The following PIGA variants were observed in gnomAD, a reference collection of about 807,000 sequenced individuals.
The protein encoded by PIGA is phosphatidylinositol N-acetylglucosaminyltransferase subunit A.
PIGA carries 3 observed loss-of-function variants against 17.1 expected under a neutral mutation model. That is an observed-to-expected ratio of 0.18 (90% CI 0.08 to 0.45). PIGA has a LOEUF of 0.45. Ranked by LOEUF, PIGA falls within the 20% of genes least tolerant of loss-of-function variation. PIGA has a pLI of 0.99. For synonymous variants in PIGA, 126 were observed against 135.1 expected, an observed-to-expected ratio of 0.93 and a Z score of 0.47; for missense variants, 231 against 374.1, an observed-to-expected ratio of 0.62 and a Z score of 3.16.
intron 2 of PIGA, among the ~76,000 whole-genome samples, chrX:15,329,509 T>G (rs1183760278): frequency 5.4e-5 from 6 of 111,808 alleles, no homozygotes; most frequent in Non-Finnish European, 1.1e-4. Flanking sequence ...CTGAAACCAG[T>G]GGCCCAGCAC....
intron 2 of PIGA, chrX:15,328,495 T>G (rs1001011757): frequency 1.4e-4 from 16 of 112,203 alleles, no homozygotes; most frequent in African/African-American, 4.5e-4. Context: ...CTCTCTCACT[T>G]AAGACATTCC....
intron 1 of PIGA, among the ~76,000 whole-genome samples, chrX:15,332,888 T>C (rs1263073534): frequency 1.8e-5 from 2 of 111,992 alleles, no homozygotes; most frequent in Non-Finnish European, 3.8e-5. Flanking sequence ...TGCAGCCTCC[T>C]AGTGACCACT....
At chrX:15,327,915 T>C (rs1453990967) in intron 2 of PIGA, 2 of 111,961 alleles carry the variant, frequency 1.8e-5, no homozygotes, top group Admixed American at 9.5e-5. Flanking sequence ...TCTATATTCT[T>C]ATTCTAAGAA....
rs189421978 is a variant in PIGA, at chrX:15,323,556, G to T, written c.1188+1109C>A. Among the ~76,000 whole-genome samples the T allele has an allele frequency of 9.0e-5, 10 of 111,433 alleles. No individual in the cohort carries two copies. In the East Asian group the frequency reaches 2.8e-3, roughly 31 times the overall value. ...ATATGGGAGAGATAGTACAAGACTT[G>T]TAGAAGGTCAGAATGTCTCAAAATG... is the stretch of plus-strand genomic sequence containing the variant. On this transcript the variant is annotated intron_variant, in intron 5 of 5. Transcript: ENST00000333590.
At chrX:15,325,271 C>T in intron 3 of PIGA, 119 bp from the exon 4 acceptor site, 1 of 625,642 alleles carries the variant, frequency 1.6e-6, no homozygotes, top group South Asian at 4.1e-5. Context: ...TGCTAATGTT[C>T]TCCACCTCAA....
At chrX:15,334,408 T>G (rs1922268273) in intron 1 of PIGA, among the ~76,000 whole-genome samples, 1 of 110,193 alleles carries the variant, frequency 9.1e-6, no homozygotes. Flanking sequence ...CAGGCTGGTC[T>G]CGAACCCCTG....
intron 2 of PIGA, among the ~76,000 whole-genome samples, chrX:15,329,180 CAATT>C (rs1922075212): frequency 8.9e-6 from 1 of 112,375 alleles, no homozygotes; most frequent in African/African-American, 3.2e-5. Flanking sequence ...TGTCAAGAAT[CAATT>C]GTTTGTTCAC....
rs1433819812 is a variant in PIGA, at chrX:15,326,030, A to G, written c.732T>C (p.Ser244=). Residue 244 remains serine (S), a synonymous_variant, in exon 3 of 6, where the codon AGT becomes AGC. Coordinates refer to ENST00000333590, the MANE Select transcript of PIGA (RefSeq NM_002641.4). The part of the protein sequence containing the change: ...LVYRKGIDLL[S]GIIPELCQKY... ...TCTGACAGAGTTCAGGTATTATACCACTAAGCAAATCGATCCCTGAAAATA... is the reference window on the plus strand; with the variant it reads ...TCTGACAGAGTTCAGGTATTATACCGCTAAGCAAATCGATCCCTGAAAATA... 4 of 1,147,195 alleles carry G rather than the reference A, an allele frequency of 3.5e-6. No individual in the cohort carries two copies. Among genetic ancestry groups the G allele is most frequent in the Non-Finnish European group, 4.7e-6 (4 of 847,506 alleles). The allele number at this position is 1,147,195 out of a possible 1,213,427, so 94.5% of individuals were successfully genotyped here. A position where few individuals can be genotyped will look rare whatever the true frequency, so the allele number is the denominator to read the frequency against.
chrX:15,325,476 G>A (rs923783160), intron 3 of PIGA: 3 of 160,541 alleles, frequency 1.9e-5, no homozygotes, highest in Non-Finnish European at 3.5e-5. Context: ...ACAGGAAAAT[G>A]GCCTTTTTAT....
At chrX:15,328,187 GTTAC>G (rs1489713567) in intron 2 of PIGA, 3 of 112,243 alleles carry the variant, frequency 2.7e-5, no homozygotes, top group African/African-American at 9.7e-5. Flanking sequence ...TGTCATCTCT[GTTAC>G]TTACTGTGTA....
chrX:15,323,736 A>G (rs1921886505), intron 5 of PIGA, among the ~76,000 whole-genome samples: 1 of 112,218 alleles, frequency 8.9e-6, no homozygotes, highest in Admixed American at 9.4e-5. Context: ...AGAAAGCCTT[A>G]CAGTAAAGAG....
intron 2 of PIGA, among the ~76,000 whole-genome samples, chrX:15,330,445 T>C (rs1922119978): frequency 8.9e-6 from 1 of 112,578 alleles, no homozygotes; most frequent in South Asian, 3.6e-4. Flanking sequence ...AGGAAAGCTA[T>C]AAATCAAAAT....
At chrX:15,323,571 G>T (rs1921881089) in intron 5 of PIGA, among the ~76,000 whole-genome samples, 1 of 111,539 alleles carries the variant, frequency 9.0e-6, no homozygotes, top group African/African-American at 3.3e-5. Flanking sequence ...AGGTCAGAAT[G>T]TCTCAAAATG....
In PIGA at chrX:15,333,114, GCTA is replaced by G. The variant is rs752174333; in HGVS notation, c.-62-1125_-62-1123del. 1.6e-3 allele frequency among the ~76,000 whole-genome samples: 179 copies of G among 111,790 alleles called. 1 individual carries two copies. Among genetic ancestry groups the G allele is most frequent in the Middle Eastern group, 0.014 (3 of 218 alleles). ...GTGTGCCCATTCATTTATGTGAATG[GCTA>G]CTTTTGTGCTACAAGAGCAGAGTAG... On this transcript the variant is annotated intron_variant, in intron 1 of 5. Coordinates refer to ENST00000333590, the MANE Select transcript of PIGA (RefSeq NM_002641.4).
chrX:15,335,365 C>T lies in PIGA; in HGVS notation c.-63+136G>A, dbSNP rs991139714. On this transcript the variant is annotated intron_variant, in intron 1 of 5. Coordinates refer to ENST00000333590, the MANE Select transcript of PIGA (RefSeq NM_002641.4). ...TCAGCCCCAACCTACTCTGGAGACC[C>T]TCCGACCCAACTTCCGGGCTTCGAA... The T allele has an allele frequency of 3.4e-5, 19 of 558,934 alleles. No homozygotes were observed. The African/African-American group carries it at 3.8e-4, about 11-fold the overall frequency. 46.1% of individuals were successfully genotyped at this position (558,934 alleles called of 1,213,427 possible).
chrX:15,335,134 C>T (rs887764480), intron 1 of PIGA, among the ~76,000 whole-genome samples: 2 of 112,348 alleles, frequency 1.8e-5, no homozygotes, highest in African/African-American at 6.5e-5. Context: ...TGAGAGGTCG[C>T]TGGGGAAACG....
chrX:15,333,210 C>T (rs1922218839), intron 1 of PIGA, among the ~76,000 whole-genome samples: 1 of 112,165 alleles, frequency 8.9e-6, no homozygotes, highest in Non-Finnish European at 1.9e-5. Flanking sequence ...CTAAAGTTTG[C>T]CAACCCCTGC....
At chrX:15,330,123 T>G (rs377535802) in intron 2 of PIGA, among the ~76,000 whole-genome samples, 8 of 110,493 alleles carry the variant, frequency 7.2e-5, no homozygotes, top group African/African-American at 2.6e-4. Flanking sequence ...TTGATAATAG[T>G]GGACAGTTAC....
rs1663099147 is a variant in PIGA, at chrX:15,331,729, T to C, written c.202A>G (p.Ile68Val). Residue 68 changes from isoleucine to valine, a missense_variant, in exon 2 of 6, where the codon ATA (isoleucine) becomes GTA (valine). By Grantham distance (29) the Ile-to-Val change is conservative. This residue lies in a region of PIGA where 29 missense variants were observed against 36.6 expected (regional missense o/e 0.79). Transcript: ENST00000333590. ...QCLIERGHKVIIVTHAYGNRK... is the reference protein window; with the variant it reads ...QCLIERGHKVVIVTHAYGNRK... Reference sequence around the variant, plus strand: ...TTTCCATAAGCATGGGTGACAATTATAACCTTATGCCCTCTTTCAATCAGG... The same window carrying C: ...TTTCCATAAGCATGGGTGACAATTACAACCTTATGCCCTCTTTCAATCAGG... 8.3e-7 allele frequency: 1 copy of C among 1,210,768 alleles called. No individual in the cohort carries two copies. Among genetic ancestry groups the C allele is most frequent in the African/African-American group, 1.7e-5 (1 of 57,382 alleles).
Sources: allele counts gnomAD v4.1 joint callset (sites outside exome capture counted in the v4.1 genomes callset), GRCh38; gene constraint gnomAD v4.1.1; regional missense constraint gnomAD v4.1.1; transcripts MANE v1.5; gene names NCBI Gene and HGNC (gene_info 2026-07-23, HGNC 2026-07-21).